Variants in ZNF846 observed in about 807,000 individuals in gnomAD.
ZNF846 encodes the protein zinc finger protein 420 pseudogene.
ZNF846 carries 15 observed loss-of-function variants against 16.0 expected under a neutral mutation model. That is an observed-to-expected ratio of 0.94 (90% CI 0.63 to 1.45). ZNF846 has a LOEUF of 1.45. ZNF846 is among the 40% of genes most tolerant of loss of function. ZNF846 has a pLI of 0.00. For synonymous variants in ZNF846, 229 were observed against 212.0 expected, an observed-to-expected ratio of 1.08 and a Z score of -0.70; for missense variants, 714 against 622.3, an observed-to-expected ratio of 1.15 and a Z score of -1.57.
chr19:9,766,144 G>A (rs1038703289), intron 1 of ZNF846, among the ~76,000 whole-genome samples: 7 of 152,118 alleles, frequency 4.6e-5, no homozygotes, highest in Non-Finnish European at 8.8e-5. Flanking sequence ...CAGAGGCTGG[G>A]CATGGTGGCT....
exon 1 of ZNF846, chr19:9,768,426 G>A (rs2045352261): frequency 6.6e-6 from 1 of 152,166 alleles, no homozygotes; most frequent in Non-Finnish European, 1.5e-5. Context: ...ACGGTGGTTG[G>A]AGAAAAAAAC....
chr19:9,756,310 T>A (rs1190994814), downstream of ZNF846: 2 of 142,116 alleles, frequency 1.4e-5, no homozygotes, highest in Admixed American at 1.4e-4. Context: ...CGTGTGTGTA[T>A]GTGTGTGTGC....
intron 1 of ZNF846, among the ~76,000 whole-genome samples, chr19:9,777,668 CA>C (rs57809806): frequency 2.1e-5 from 3 of 143,714 alleles, no homozygotes; most frequent in Non-Finnish European, 3.0e-5. Context: ...AGACTCTGTC[CA>C]AAAAAAAAAA....
At chr19:9,785,602 G>A (rs1206676864) in intron 1 of ZNF846, among the ~76,000 whole-genome samples, 1 of 74,414 alleles carries the variant, frequency 1.3e-5, no homozygotes, top group Non-Finnish European at 2.4e-5. Context: ...CTCCCTCGCC[G>A]AGTCGCCGCC....
intron 1 of ZNF846, among the ~76,000 whole-genome samples, chr19:9,775,933 A>G (rs2045436310): frequency 6.6e-6 from 1 of 152,246 alleles, no homozygotes; most frequent in South Asian, 2.1e-4. Flanking sequence ...TTCCAATATT[A>G]TAATAATCCT....
chr19:9,764,151 G>T (rs371871084), intron 2 of ZNF846, among the ~76,000 whole-genome samples: 1 of 152,138 alleles, frequency 6.6e-6, no homozygotes, highest in Non-Finnish European at 1.5e-5. Context: ...CAGATGCATG[G>T]GGGGTGCCTG....
intron 1 of ZNF846, among the ~76,000 whole-genome samples, chr19:9,779,829 T>G (rs910837928): frequency 2.0e-5 from 3 of 151,588 alleles, no homozygotes; most frequent in Middle Eastern, 3.5e-3. Context: ...CACCTCCAAC[T>G]CCCAAAGTGC....
downstream of ZNF846, among the ~76,000 whole-genome samples, chr19:9,751,290 A>T (rs576915518): frequency 2.6e-5 from 4 of 152,182 alleles, no homozygotes; most frequent in Admixed American, 6.5e-5. Flanking sequence ...ACCACCGCTA[A>T]TCCTGCTCAA....
At chr19:9,767,906 C>T (rs1421297505) in intron 1 of ZNF846, among the ~76,000 whole-genome samples, 2 of 152,160 alleles carry the variant, frequency 1.3e-5, no homozygotes, top group African/African-American at 4.8e-5. Context: ...GCACTCCAGC[C>T]TGGGCAATAA....
downstream of ZNF846, among the ~76,000 whole-genome samples, chr19:9,752,667 T>A (rs539453904): frequency 3.3e-5 from 5 of 151,872 alleles, no homozygotes; most frequent in East Asian, 9.6e-4. Flanking sequence ...ATTTCCCTTT[T>A]TTTTTTTTCT....
Position 9,764,993 on chromosome 19 carries a change from A to G in ZNF846, c.-43T>C, listed in dbSNP as rs555569417. ...CCCAGCCACTAGCCTTGGCTTCTCG[A>G]TGTTCCTGTCATGAAGACAGAAAGT... is the stretch of plus-strand genomic sequence containing the variant. On this transcript the variant is annotated 5_prime_UTR_variant, in exon 2 of 6. Transcript: ENST00000397902. The G allele has an allele frequency of 1.1e-5, 18 of 1,612,480 alleles. No homozygotes were observed. In the South Asian group the frequency reaches 1.5e-4, roughly 14 times the overall value.
chr19:9,766,758 G>T (rs968208591), intron 1 of ZNF846, among the ~76,000 whole-genome samples: 1 of 151,568 alleles, frequency 6.6e-6, no homozygotes, highest in African/African-American at 2.4e-5. Flanking sequence ...AAATTAGCTG[G>T]GCATGGTGGC....
downstream of ZNF846, among the ~76,000 whole-genome samples, chr19:9,754,564 T>TA (rs545236944): frequency 0.13 from 11,514 of 88,432 alleles, 1,322 homozygotes; most frequent in African/African-American, 0.3. Context: ...GACTCTGTCT[T>TA]AAAAAAAAAA....
intron 2 of ZNF846, among the ~76,000 whole-genome samples, chr19:9,764,200 G>A (rs557888675): frequency 6.6e-6 from 1 of 152,294 alleles, no homozygotes; most frequent in African/African-American, 2.4e-5. Flanking sequence ...CACGGCTCTT[G>A]TAGGCCTCTT....
At chr19:9,782,338 C>T (rs1461388035) in intron 1 of ZNF846, among the ~76,000 whole-genome samples, 3 of 152,090 alleles carry the variant, frequency 2.0e-5, no homozygotes, top group African/African-American at 7.2e-5. Flanking sequence ...CTGCACAGCT[C>T]ACTGCAGCCT....
chr19:9,768,646 G>A (rs1281117501), upstream of ZNF846: 1 of 152,368 alleles, frequency 6.6e-6, no homozygotes, highest in East Asian at 1.9e-4. Context: ...CCTCCCGCTA[G>A]GCCCTCCTGC....
At chr19:9,759,979 T>C (rs1016509459) in intron 4 of ZNF846, 37 bp from the exon 5 acceptor site, 11 of 1,559,906 alleles carry the variant, frequency 7.1e-6, no homozygotes, top group East Asian at 2.2e-5. Context: ...GGGAGAAAAA[T>C]TGTGGAATAA....
chr19:9,776,643 T>A (rs973567070), intron 1 of ZNF846, among the ~76,000 whole-genome samples: 2 of 152,192 alleles, frequency 1.3e-5, no homozygotes, highest in African/African-American at 2.4e-5. Context: ...CTCCGTGCAT[T>A]GGGGGTAGCG....
intron 1 of ZNF846, among the ~76,000 whole-genome samples, chr19:9,784,891 G>A (rs2145332923): frequency 6.6e-6 from 1 of 152,274 alleles, no homozygotes; most frequent in South Asian, 2.1e-4. Flanking sequence ...ACATGTTTTT[G>A]CAAGCACAGG....
Sources: allele counts gnomAD v4.1 joint callset (sites outside exome capture counted in the v4.1 genomes callset), GRCh38; gene constraint gnomAD v4.1.1; transcripts MANE v1.5; gene names NCBI Gene and HGNC (gene_info 2026-07-23, HGNC 2026-07-21).